The following PRF1 variants were observed in gnomAD, a reference collection of about 807,000 sequenced individuals.
The protein encoded by PRF1 is perforin 1, also known as perforin-1.
PRF1 carries 11 observed loss-of-function variants against 11.7 expected under a neutral mutation model. That is an observed-to-expected ratio of 0.94 (90% CI 0.59 to 1.56). The LOEUF (loss-of-function observed/expected upper bound fraction) is 1.56, where lower values mean the gene tolerates loss of function less well. PRF1 is among the 40% of genes most tolerant of loss of function. The pLI is 0.00. For missense variants in PRF1, 729 were observed against 751.0 expected (o/e 0.97, Z 0.34); for synonymous variants, 314 against 327.8 (o/e 0.96, Z 0.45).
In PRF1 at chr10:70,597,687, G is replaced by A. The variant is rs139298157; in HGVS notation, c.*366C>T. On this transcript the variant is annotated 3_prime_UTR_variant, in exon 3 of 3. Transcript: ENST00000441259. ...TTGGACAGGGTGAATCGGGATTAGC[G>A]TGTAAACCCAGCCACCTCCCTGAAA... is the stretch of plus-strand genomic sequence containing the variant. 821 of 595,228 alleles carry A rather than the reference G, an allele frequency of 1.4e-3. 6 individuals carry two copies. The African/African-American group carries it at 0.014, about 10-fold the overall frequency. The allele number at this position is 595,228 out of a possible 1,614,324, so 36.9% of individuals were successfully genotyped here.
Position 70,598,701 on chromosome 10 carries a change from G to A in PRF1, c.1020C>T (p.Asp340=). 1.2e-6 allele frequency: 2 copies of A among 1,614,180 alleles called. No homozygotes were observed. Among genetic ancestry groups the A allele is most frequent in the Non-Finnish European group, 1.7e-6 (2 of 1,180,048 alleles). Residue 340 remains aspartate, a synonymous_variant, in exon 3 of 3, where the codon GAC becomes GAT. Coordinates refer to ENST00000441259, the MANE Select transcript of PRF1 (RefSeq NM_001083116.3). ...NSLPGSPGLV[D]YTLEPLHVLL... ...GCACGTGCAGGGGTTCCAGGGTGTA[G>A]TCCACCAGGCCAGGGCTGCCGGGCA...
chr10:70,599,047 CGGAT>C lies in PRF1; in HGVS notation c.670_673del (p.Ile224GlyfsTer34), dbSNP rs1554868059. 6.2e-7 allele frequency: 1 copy of C among 1,613,332 alleles called. No homozygotes were observed. Among genetic ancestry groups the C allele is most frequent in the Non-Finnish European group, 8.5e-7 (1 of 1,179,546 alleles). ...TATGCGGCCACCCAGCTCCACAGCCCGGATGAAGTGGGTGCCGTAGTTGGAGATA... is the reference window on the plus strand; with the variant it reads ...TATGCGGCCACCCAGCTCCACAGCCCGAAGTGGGTGCCGTAGTTGGAGATA... On this transcript the variant is annotated frameshift_variant, in exon 3 of 3. Transcript: ENST00000441259. LOFTEE classifies it low-confidence loss of function (END_TRUNC).
chr10:70,602,186 C>G (rs1848241179), intron 1 of PRF1, among the ~76,000 whole-genome samples: 1 of 152,142 alleles, frequency 6.6e-6, no homozygotes, highest in African/African-American at 2.4e-5. Flanking sequence ...ATGGAGAGCC[C>G]CCATTATAGC....
In PRF1 at chr10:70,600,935, G is replaced by T; in HGVS notation, c.-30-3C>A. On this transcript the variant is annotated splice_region_variant and splice_polypyrimidine_tract_variant and intron_variant, in intron 1 of 2. Transcript: ENST00000441259. This position sits in a 1 kb window ranked among gnomAD's most constrained non-coding sequence, Gnocchi z 4.9. ...CAGAGACAGGGGGCACTTGGGCTCT[G>T]GGAAGCCATGGGTGGAGGGATGGAG... The T allele has an allele frequency of 6.4e-7, 1 of 1,554,194 alleles. No individual in the cohort carries two copies. Among genetic ancestry groups the T allele is most frequent in the Admixed American group, 2.0e-5 (1 of 51,236 alleles).
At position 70,598,978 on chromosome 10, in the gene PRF1, C is replaced by G; in HGVS notation, c.743G>C (p.Gly248Ala). Residue 248 changes from glycine to alanine, a missense_variant, in exon 3 of 3, where the codon GGG (glycine) becomes GCG (alanine). Transcript: ENST00000441259. ...GTCCTCCACCTCGTTGTCCGTGAGCCCTTCCAGGGCCAGCTCGCAGGTGCG... is the reference window on the plus strand; with the variant it reads ...GTCCTCCACCTCGTTGTCCGTGAGCGCTTCCAGGGCCAGCTCGCAGGTGCG... ...ALRTCELALE[G>A]LTDNEVEDCL... 6.2e-7 allele frequency: 1 copy of G among 1,614,242 alleles called. No homozygotes were observed. Among genetic ancestry groups the G allele is most frequent in the South Asian group, 1.1e-5 (1 of 91,088 alleles).
chr10:70,599,850 T>C lies in PRF1; in HGVS notation c.539+514A>G, dbSNP rs1471425831. Among the ~76,000 whole-genome samples the C allele has an allele frequency of 9.2e-5, 14 of 152,234 alleles. No individual in the cohort carries two copies. The East Asian group carries it at 2.7e-3, about 29-fold the overall frequency. ...TCTCAGACGTGGAATATGGGTCCCATACTTCCTACTCCCAGGGGCTAGGGT... is the reference window on the plus strand; with the variant it reads ...TCTCAGACGTGGAATATGGGTCCCACACTTCCTACTCCCAGGGGCTAGGGT... On this transcript the variant is annotated intron_variant, in intron 2 of 2. Transcript: ENST00000441259.
chr10:70,600,652 G>T lies in PRF1; in HGVS notation c.251C>A (p.Thr84Asn). The T allele has an allele frequency of 1.2e-6, 2 of 1,613,600 alleles. No homozygotes were observed. Among genetic ancestry groups the T allele is most frequent in the Non-Finnish European group, 1.7e-6 (2 of 1,179,782 alleles). ...TLCENALQEGTLQRLPLALTN... is the reference protein window; with the variant it reads ...TLCENALQEGNLQRLPLALTN... Reference sequence around the variant, plus strand: ...GAGCGCCAGAGGCAGGCGCTGGAGGGTGCCCTCCTGTAGGGCATTTTCACA... The same window carrying T: ...GAGCGCCAGAGGCAGGCGCTGGAGGTTGCCCTCCTGTAGGGCATTTTCACA... The change falls in exon 2 of 3, where the codon ACC becomes AAC. Residue 84 changes from threonine (T) to asparagine (N), a missense_variant. By Grantham distance (65) the Thr-to-Asn change is moderately conservative (BLOSUM62 0). Coordinates refer to ENST00000441259, the MANE Select transcript of PRF1 (RefSeq NM_001083116.3). The surrounding 1 kb of genome is among the most constrained non-coding windows in gnomAD (Gnocchi z 4.9).
intron 2 of PRF1, among the ~76,000 whole-genome samples, chr10:70,599,981 AGC>A (rs1848196150): frequency 6.6e-6 from 1 of 152,228 alleles, no homozygotes; most frequent in Non-Finnish European, 1.5e-5. Flanking sequence ...AAGGTCACAC[AGC>A]GATGAGGAAG....
chr10:70,599,690 C>G (rs1260352740), intron 2 of PRF1, among the ~76,000 whole-genome samples: 1 of 152,166 alleles, frequency 6.6e-6, no homozygotes, highest in African/African-American at 2.4e-5. Context: ...TCCATCCGTC[C>G]CCCTGGATGG....
rs1848152441 is a variant in PRF1, at chr10:70,598,049, G to A, written c.*4C>T. On this transcript the variant is annotated 3_prime_UTR_variant, in exon 3 of 3. Coordinates refer to ENST00000441259, the MANE Select transcript of PRF1 (RefSeq NM_001083116.3). ...CATACTGGTCCTTTCCAAGCTCACT[G>A]TTCTCACCACACGGCCCCACTCCGG... 6.2e-7 allele frequency: 1 copy of A among 1,612,732 alleles called. No individual in the cohort carries two copies. The highest frequency in any genetic ancestry group is 1.1e-5 in the South Asian group (1 of 91,082).
rs768253776 is a variant in PRF1 at position 70,600,753 on chromosome 10, C to T, written c.150G>A (p.Val50=). 1 of 1,611,904 alleles carries T rather than the reference C, an allele frequency of 6.2e-7. No homozygotes were observed. The highest frequency in any genetic ancestry group is 8.5e-7 in the Non-Finnish European group (1 of 1,178,590). The change falls in exon 2 of 3, where the codon GTG becomes GTA. Residue 50 remains valine, a synonymous_variant. Coordinates refer to ENST00000441259, the MANE Select transcript of PRF1 (RefSeq NM_001083116.3). The surrounding 1 kb of genome is among the most constrained non-coding windows in gnomAD (Gnocchi z 4.9). Reference sequence around the variant, plus strand: ...AGGAGCCCGAGCGGCGGAGGCTGGTCACGTCCACACCCTCCCCGGCCAGCC... The same window carrying T: ...AGGAGCCCGAGCGGCGGAGGCTGGTTACGTCCACACCCTCCCCGGCCAGCC... ...GAWLAGEGVD[V]TSLRRSGSFP...
intron 2 of PRF1, among the ~76,000 whole-genome samples, chr10:70,599,772 G>A (rs1383663757): frequency 6.6e-6 from 1 of 152,186 alleles, no homozygotes; most frequent in Non-Finnish European, 1.5e-5. Context: ...TGGCCCCCAG[G>A]TCTGATGAAT....
chr10:70,599,830 G>C, intron 2 of PRF1, among the ~76,000 whole-genome samples: 1 of 152,206 alleles, frequency 6.6e-6, no homozygotes, highest in East Asian at 1.9e-4. Flanking sequence ...GCCTTTCTCA[G>C]ACGTGGAATA....
At chr10:70,599,369 A>T (rs1168065576) in intron 2 of PRF1, among the ~76,000 whole-genome samples, 188 bp from the exon 3 acceptor site, 1 of 152,206 alleles carries the variant, frequency 6.6e-6, no homozygotes, top group East Asian at 1.9e-4. Flanking sequence ...CTCACCCCTC[A>T]GGGACCTCAG....
intron 1 of PRF1, among the ~76,000 whole-genome samples, chr10:70,601,363 C>T (rs1439906047): frequency 6.6e-6 from 1 of 152,186 alleles, no homozygotes; most frequent in Non-Finnish European, 1.5e-5. Flanking sequence ...CCCTGACTCT[C>T]ACTCTGTTTC....
rs779956870 is a variant in PRF1 at position 70,598,510 on chromosome 10, G to A, written c.1211C>T (p.Thr404Ile). The change falls in exon 3 of 3, where the codon ACC (threonine) becomes ATC (isoleucine). Residue 404 changes from threonine to isoleucine, a missense_variant. By Grantham distance (89) the Thr-to-Ile change is moderately conservative. Coordinates refer to ENST00000441259, the MANE Select transcript of PRF1 (RefSeq NM_001083116.3). The stretch of plus-strand genomic sequence containing the variant: ...CCTCTGCCGAGGGCAGCAGTCCTGG[G>A]TGGTGACCGCTGAGCCATGGCACAC... ...QCVCHGSAVT[T>I]QDCCPRQRGL... 1.2e-5 allele frequency: 19 copies of A among 1,613,460 alleles called. No individual in the cohort carries two copies. Among genetic ancestry groups the A allele is most frequent in the Non-Finnish European group, 1.5e-5 (18 of 1,179,986 alleles).
intron 1 of PRF1, among the ~76,000 whole-genome samples, chr10:70,602,251 C>T (rs1444831479): frequency 1.3e-5 from 2 of 152,126 alleles, no homozygotes; most frequent in African/African-American, 2.4e-5. Flanking sequence ...TTTCAGGCAG[C>T]GTGGCTCGCC....
chr10:70,598,340 A>C lies in PRF1; in HGVS notation c.1381T>G (p.Trp461Gly). The change falls in exon 3 of 3, where the codon TGG becomes GGG. Residue 461 changes from tryptophan (W) to glycine (G), a missense_variant. Trp to Gly is a radical substitution (Grantham distance 184). Transcript: ENST00000441259. ...STVWDNNNPI[W>G]SVRLDFGDVL... The stretch of plus-strand genomic sequence containing the variant: ...TCCCCAAAATCCAGCCGCACTGACC[A>C]GATGGGGTTGTTATTGTCCCACACG... 2 of 1,614,162 alleles carry C rather than the reference A, an allele frequency of 1.2e-6. No homozygotes were observed. Among genetic ancestry groups the C allele is most frequent in the Non-Finnish European group, 1.7e-6 (2 of 1,180,012 alleles).
chr10:70,600,469 A>G lies in PRF1; in HGVS notation c.434T>C (p.Val145Ala), dbSNP rs535296791. 187 of 1,614,188 alleles carry G rather than the reference A, an allele frequency of 1.2e-4. 2 individuals carry two copies. In the South Asian group the frequency reaches 1.9e-3, roughly 17 times the overall value. Residue 145 changes from valine to alanine, a missense_variant, in exon 2 of 3, where the codon GTG (valine) becomes GCG (alanine). By Grantham distance (64) the Val-to-Ala change is moderately conservative. Transcript: ENST00000441259. This position sits in a 1 kb window ranked among gnomAD's most constrained non-coding sequence, Gnocchi z 4.9. ...VTPKPTSNVH[V>A]SVAGSHSQAA... ...CTGTGAGTGTGAGCCGGCCACAGAC[A>G]CATGCACATTGCTGGTGGGCTTAGG... is the stretch of plus-strand genomic sequence containing the variant.
Sources: allele counts gnomAD v4.1 joint callset (sites outside exome capture counted in the v4.1 genomes callset), GRCh38; gene constraint gnomAD v4.1.1; non-coding constraint Gnocchi (gnomAD v3.1); transcripts MANE v1.5; gene names NCBI Gene and HGNC (gene_info 2026-07-23, HGNC 2026-07-21).